DNM3: variants seen among roughly 807,000 people sequenced by gnomAD.
The protein encoded by DNM3 is dynamin-3.
Under a neutral mutation model 101.6 loss-of-function variants are expected in DNM3, and 47 were observed. The ratio of observed to expected loss-of-function variants is 0.46; its 90% CI spans 0.37 to 0.59. The LOEUF (loss-of-function observed/expected upper bound fraction) is 0.59, where lower values mean the gene tolerates loss of function less well. Among genes scored for constraint, DNM3 ranks in the 20% least tolerant of loss-of-function variants. The pLI, the probability that DNM3 is intolerant of heterozygous loss-of-function variation, is 0.00. For synonymous variants in DNM3, 385 were observed against 387.9 expected (o/e 0.99, Z 0.09); for missense variants, 849 against 1,085.7 (o/e 0.78, Z 3.06).
intron 14 of DNM3, among the ~76,000 whole-genome samples, chr1:172,145,470 G>A (rs1426456453): frequency 5.3e-5 from 8 of 150,992 alleles, no homozygotes; most frequent in Non-Finnish European, 1.2e-4. Context: ...GCAGCTTGCA[G>A]GCTGCTCTAG....
At chr1:172,235,884 T>C (rs902609283) in intron 14 of DNM3, among the ~76,000 whole-genome samples, 4 of 151,986 alleles carry the variant, frequency 2.6e-5, no homozygotes, top group African/African-American at 9.7e-5. Flanking sequence ...TTAGGAGATA[T>C]ACCTAATGCT....
intron 17 of DNM3, among the ~76,000 whole-genome samples, chr1:172,338,333 T>A (rs1009817350): frequency 1.3e-5 from 2 of 152,210 alleles, no homozygotes; most frequent in Non-Finnish European, 2.9e-5. Flanking sequence ...TATGACTATT[T>A]TCCTTCCGTT....
chr1:172,155,019 G>T (rs2058283986), intron 14 of DNM3, among the ~76,000 whole-genome samples: 1 of 151,886 alleles, frequency 6.6e-6, no homozygotes, highest in Non-Finnish European at 1.5e-5. Context: ...AGATTGAACT[G>T]TTTTTATTTT....
At chr1:172,024,489 A>AAAG (rs1432873394) in intron 4 of DNM3, among the ~76,000 whole-genome samples, 3 of 152,252 alleles carry the variant, frequency 2.0e-5, no homozygotes, top group African/African-American at 7.2e-5. Context: ...ATTCCTGAAT[A>AAAG]AAGAGTAATA....
At chr1:171,883,141 T>C (rs2036434689) in intron 1 of DNM3, among the ~76,000 whole-genome samples, 1 of 152,032 alleles carries the variant, frequency 6.6e-6, no homozygotes, top group Admixed American at 6.5e-5. Context: ...TAATGTTCTT[T>C]ATTACAGTTA....
intron 14 of DNM3, among the ~76,000 whole-genome samples, chr1:172,160,109 C>G (rs1044434991): frequency 1.3e-5 from 2 of 151,150 alleles, no homozygotes. Context: ...TACTATCAAC[C>G]GAGCTTTCAG....
chr1:171,988,084 C>T (rs55682753), intron 3 of DNM3, among the ~76,000 whole-genome samples: 42,650 of 151,922 alleles, frequency 0.28, 8,424 homozygotes, highest in African/African-American at 0.57. Flanking sequence ...TGAAAACTTC[C>T]ATTTTTCAGT....
chr1:172,226,779 G>A (rs188939189), intron 14 of DNM3, among the ~76,000 whole-genome samples: 26 of 152,088 alleles, frequency 1.7e-4, no homozygotes, highest in South Asian at 1.7e-3. Context: ...GTTTTTCAGC[G>A]ATAATGATGC....
intron 1 of DNM3, among the ~76,000 whole-genome samples, chr1:171,858,134 A>G (rs995580597): frequency 6.6e-6 from 1 of 152,184 alleles, no homozygotes; most frequent in Non-Finnish European, 1.5e-5. Context: ...TAATAAAAGT[A>G]CTTAACTTGT....
At chr1:171,958,588 A>G (rs996481743) in intron 2 of DNM3, among the ~76,000 whole-genome samples, 1 of 152,150 alleles carries the variant, frequency 6.6e-6, no homozygotes, top group African/African-American at 2.4e-5. Context: ...AAGGTGTTGG[A>G]GCAAGGGGAT....
In DNM3 at chr1:172,411,343, T is replaced by C; in HGVS notation, c.*3502T>C. The C allele has an allele frequency of 2.0e-6, 2 of 985,116 alleles. No individual in the cohort carries two copies. The highest frequency in any genetic ancestry group is 2.4e-6 in the Non-Finnish European group (2 of 829,692). The allele number at this position is 985,116 out of a possible 1,614,324, so 61.0% of individuals were successfully genotyped here. A position where few individuals can be genotyped will look rare whatever the true frequency, so the allele number is the denominator to read the frequency against. ...GACAACATGGTAATGTCCATAGACA[T>C]TTGTATCTGAATCCACAAGAAGATC... On this transcript the variant is annotated 3_prime_UTR_variant, in exon 21 of 21. Coordinates refer to ENST00000627582, the MANE Select transcript of DNM3 (RefSeq NM_015569.5).
Position 172,411,585 on chromosome 1 carries a change from C to A in DNM3, c.*3744C>A. On this transcript the variant is annotated 3_prime_UTR_variant, in exon 21 of 21. Transcript: ENST00000627582. ...AGCAACATTAAAGTAGTGGATTTTT[C>A]TGAGTAAATTTGCTGAAAATATAAG... 1 of 981,104 alleles carries A rather than the reference C, an allele frequency of 1.0e-6. No homozygotes were observed. Among genetic ancestry groups the A allele is most frequent in the African/African-American group, 1.8e-5 (1 of 56,410 alleles). 60.8% of individuals were successfully genotyped at this position (981,104 alleles called of 1,614,324 possible).
rs1388703514 is a variant in DNM3 at position 172,408,184 on chromosome 1, G to A, written c.*343G>A. ...CTATCTACCAGGTAGCTCATTAAAC[G>A]TAATTCTTCAGATATGAGATAGTGG... On this transcript the variant is annotated 3_prime_UTR_variant, in exon 21 of 21. Coordinates refer to ENST00000627582, the MANE Select transcript of DNM3 (RefSeq NM_015569.5). The A allele has an allele frequency of 1.2e-5, 13 of 1,076,660 alleles. No homozygotes were observed. The highest frequency in any genetic ancestry group is 1.1e-4 in the South Asian group (3 of 28,164). The allele number at this position is 1,076,660 out of a possible 1,614,324, so 66.7% of individuals were successfully genotyped here. A position where few individuals can be genotyped will look rare whatever the true frequency, so the allele number is the denominator to read the frequency against.
intron 14 of DNM3, among the ~76,000 whole-genome samples, chr1:172,244,547 C>T (rs1475281096): frequency 6.6e-6 from 1 of 151,800 alleles, no homozygotes; most frequent in Admixed American, 6.6e-5. Flanking sequence ...GGGCAAAGGA[C>T]ATGAACAGAC....
chr1:172,298,118 T>C (rs1281573142), intron 15 of DNM3, among the ~76,000 whole-genome samples: 1 of 152,206 alleles, frequency 6.6e-6, no homozygotes, highest in Non-Finnish European at 1.5e-5. Flanking sequence ...GACTTTTTAG[T>C]TCTAGGAAGT....
chr1:172,120,053 C>T (rs2148006599), intron 13 of DNM3, among the ~76,000 whole-genome samples: 1 of 152,280 alleles, frequency 6.6e-6, no homozygotes, highest in Non-Finnish European at 1.5e-5. Context: ...TCTTCACCAA[C>T]CCAGAGCTAG....
chr1:172,009,769 C>T (rs2046991704), intron 4 of DNM3, among the ~76,000 whole-genome samples: 1 of 151,264 alleles, frequency 6.6e-6, no homozygotes, highest in African/African-American at 2.4e-5. Context: ...TTTCAGTTTA[C>T]ATATTTTGCA....
chr1:172,135,941 A>G (rs1449844801), intron 14 of DNM3, among the ~76,000 whole-genome samples: 1 of 152,136 alleles, frequency 6.6e-6, no homozygotes, highest in Non-Finnish European at 1.5e-5. Flanking sequence ...AGGACTGTTA[A>G]TTTATGTATA....
At chr1:172,128,240 C>T (rs1198405833) in intron 13 of DNM3, among the ~76,000 whole-genome samples, 1 of 152,172 alleles carries the variant, frequency 6.6e-6, no homozygotes, top group Non-Finnish European at 1.5e-5. Flanking sequence ...TACCTCCATC[C>T]TAATCTCTTC....
Sources: allele counts gnomAD v4.1 joint callset (sites outside exome capture counted in the v4.1 genomes callset), GRCh38; gene constraint gnomAD v4.1.1; transcripts MANE v1.5; gene names NCBI Gene and HGNC (gene_info 2026-07-23, HGNC 2026-07-21).